NIPSNAP3B: variants seen among roughly 807,000 people sequenced by gnomAD.
NIPSNAP3B encodes the protein nipsnap homolog 3B.
NIPSNAP3B carries 30 observed loss-of-function variants against 31.5 expected under a neutral mutation model. The observed-to-expected ratio is 0.95, with a 90% CI of 0.71 to 1.29. The LOEUF (loss-of-function observed/expected upper bound fraction) is 1.29, where lower values mean the gene tolerates loss of function less well. Ranked by LOEUF, NIPSNAP3B falls within the 50% of genes most tolerant of loss-of-function variation. The probability of loss-of-function intolerance (pLI) is 0.00; values close to 1 mark genes in which losing one functional copy is unlikely to be tolerated. For missense variants in NIPSNAP3B, 269 were observed against 300.7 expected (o/e 0.89, Z 0.78); for synonymous variants, 106 against 107.9 (o/e 0.98, Z 0.11).
rs2118803800 is a variant in NIPSNAP3B at position 104,773,806 on chromosome 9, A to T, written c.*733A>T. 1 of 152,318 alleles carries T rather than the reference A, an allele frequency of 6.6e-6. No homozygotes were observed. The highest frequency in any genetic ancestry group is 3.4e-3 in the Middle Eastern group (1 of 294). 9.4% of individuals were successfully genotyped at this position (152,318 alleles called of 1,614,324 possible). A position where few individuals can be genotyped will look rare whatever the true frequency, so the allele number is the denominator to read the frequency against. ...TTGTTTTAAAGAAATATTTATGGTT[A>T]TGGAAACGCTTGCCCTAATAAAAAT... On this transcript the variant is annotated 3_prime_UTR_variant, in exon 6 of 6. Coordinates refer to ENST00000374762, the MANE Select transcript of NIPSNAP3B (RefSeq NM_018376.4).
Position 104,773,452 on chromosome 9 carries a change from A to C in NIPSNAP3B, c.*379A>C, listed in dbSNP as rs966371127. On this transcript the variant is annotated 3_prime_UTR_variant, in exon 6 of 6. Transcript: ENST00000374762. Reference sequence around the variant, plus strand: ...CAGTATTTTTGAATTATTTATATAAAATATCTATCTTTTCATCATGTCTAT... The same window carrying C: ...CAGTATTTTTGAATTATTTATATAACATATCTATCTTTTCATCATGTCTAT... 6.2e-6 allele frequency: 1 copy of C among 160,008 alleles called. No homozygotes were observed. Among genetic ancestry groups the C allele is most frequent in the Non-Finnish European group, 1.4e-5 (1 of 73,290 alleles). The allele number at this position is 160,008 out of a possible 1,614,324, so 9.9% of individuals were successfully genotyped here.
intron 2 of NIPSNAP3B, 117 bp from the exon 3 acceptor site, chr9:104,768,746 A>T: frequency 1.3e-6 from 1 of 779,696 alleles, no homozygotes; most frequent in Non-Finnish European, 2.0e-6. Flanking sequence ...CTCCAGCGAC[A>T]TAATAACATG....
chr9:104,784,507 CTTTA>C, the NIPSNAP3B span: 1 of 1,609,120 alleles, frequency 6.2e-7, no homozygotes. Flanking sequence ...CTTGCTCATT[CTTTA>C]TTCTAGTTCT....
the NIPSNAP3B span, chr9:104,785,524 G>C: frequency 6.2e-7 from 1 of 1,613,594 alleles, no homozygotes; most frequent in Admixed American, 1.7e-5. Flanking sequence ...AGCATGTTCC[G>C]GTGTTTCTCT....
the NIPSNAP3B span, among the ~76,000 whole-genome samples, chr9:104,787,428 C>T: frequency 2.0e-5 from 3 of 151,674 alleles, no homozygotes; most frequent in Non-Finnish European, 2.9e-5. Context: ...AATTCCAGAC[C>T]GAGGTGGAAT....
At position 104,773,133 on chromosome 9, in the gene NIPSNAP3B, C is replaced by G; in HGVS notation, c.*60C>G. On this transcript the variant is annotated 3_prime_UTR_variant, in exon 6 of 6. Coordinates refer to ENST00000374762, the MANE Select transcript of NIPSNAP3B (RefSeq NM_018376.4). ...CTCTAAGATGTGTCTGCTAATGGTG[C>G]TTAAATTCTCCCAAGAGGTTCTCGC... 1 of 1,510,802 alleles carries G rather than the reference C, an allele frequency of 6.6e-7. No homozygotes were observed. Among genetic ancestry groups the G allele is most frequent in the Non-Finnish European group, 9.2e-7 (1 of 1,091,846 alleles). 93.6% of individuals were successfully genotyped at this position (1,510,802 alleles called of 1,614,324 possible).
the NIPSNAP3B span, among the ~76,000 whole-genome samples, chr9:104,789,539 T>A: frequency 1.3e-5 from 2 of 152,182 alleles, no homozygotes; most frequent in African/African-American, 4.8e-5. Flanking sequence ...AAATTGTGAG[T>A]CATTGTTCAT....
rs891531822 is a variant in NIPSNAP3B at position 104,777,443 on chromosome 9, G to A, written c.*4370G>A. ...TTCTTGAAAGAAGCACATTCCCCCA[G>A]GAGGAGGAAATGGTTTGTTTTCTTT... On this transcript the variant is annotated 3_prime_UTR_variant, in exon 6 of 6. Transcript: ENST00000374762. 5.9e-5 allele frequency: 9 copies of A among 152,230 alleles called. No homozygotes were observed. The highest frequency in any genetic ancestry group is 2.2e-4 in the African/African-American group (9 of 41,446). 9.4% of individuals were successfully genotyped at this position (152,230 alleles called of 1,614,324 possible).
intron 4 of NIPSNAP3B, among the ~76,000 whole-genome samples, chr9:104,772,163 C>G (rs1828234337): frequency 6.6e-6 from 1 of 150,442 alleles, no homozygotes; most frequent in Non-Finnish European, 1.5e-5. Context: ...AAATTTTCTC[C>G]CATTCTGGAG....
chr9:104,784,522 A>G, the NIPSNAP3B span: 82 of 1,595,318 alleles, frequency 5.1e-5, 1 homozygote, highest in South Asian at 4.9e-4. Flanking sequence ...TTCTAGTTCT[A>G]TTTTTCCAGA....
At chr9:104,785,841 G>A in the NIPSNAP3B span, among the ~76,000 whole-genome samples, 1 of 152,166 alleles carries the variant, frequency 6.6e-6, no homozygotes, top group Non-Finnish European at 1.5e-5. Context: ...GTAAATACAT[G>A]ATCTCCTTTA....
At chr9:104,787,211 A>C in the NIPSNAP3B span, among the ~76,000 whole-genome samples, 1 of 152,192 alleles carries the variant, frequency 6.6e-6, no homozygotes, top group East Asian at 1.9e-4. Context: ...TTTTTTATGT[A>C]ATTAAATTTC....
chr9:104,788,097 A>T, the NIPSNAP3B span: 1 of 1,591,812 alleles, frequency 6.3e-7, no homozygotes, highest in Non-Finnish European at 8.6e-7. Context: ...TGGCTTGGGA[A>T]TTTTATCATG....
Position 104,772,211 on chromosome 9 carries a change from T to G in NIPSNAP3B, c.581-611T>G, listed in dbSNP as rs1221302460. Among the ~76,000 whole-genome samples, 5 of 151,736 alleles carry G rather than the reference T, an allele frequency of 3.3e-5. No homozygotes were observed. In the East Asian group the frequency reaches 7.7e-4, roughly 23 times the overall value. Reference sequence around the variant, plus strand: ...CTCTGTTGACAGTTTTTTTTTTGTTTTTTTTTTTGCTGTGCAGAAGCTCTT... The same window carrying G: ...CTCTGTTGACAGTTTTTTTTTTGTTGTTTTTTTTGCTGTGCAGAAGCTCTT... On this transcript the variant is annotated intron_variant, in intron 4 of 5. Transcript: ENST00000374762.
At chr9:104,782,931 A>G in the NIPSNAP3B span, 1 of 152,338 alleles carries the variant, frequency 6.6e-6, no homozygotes, top group Non-Finnish European at 1.5e-5. Context: ...TAAACCAGTG[A>G]GCTGAATAAC....
Position 104,773,149 on chromosome 9 carries a change from A to C in NIPSNAP3B, c.*76A>C. ...CTAATGGTGCTTAAATTCTCCCAAGAGGTTCTCGCTTTTATTTGAAGGAGG... is the reference window on the plus strand; with the variant it reads ...CTAATGGTGCTTAAATTCTCCCAAGCGGTTCTCGCTTTTATTTGAAGGAGG... On this transcript the variant is annotated 3_prime_UTR_variant, in exon 6 of 6. Coordinates refer to ENST00000374762, the MANE Select transcript of NIPSNAP3B (RefSeq NM_018376.4). The C allele has an allele frequency of 1.4e-6, 2 of 1,426,984 alleles. No individual in the cohort carries two copies. The highest frequency in any genetic ancestry group is 2.4e-5 in the South Asian group (2 of 83,876). 88.4% of individuals were successfully genotyped at this position (1,426,984 alleles called of 1,614,324 possible).
intron 2 of NIPSNAP3B, among the ~76,000 whole-genome samples, chr9:104,767,028 C>A (rs1283519456): frequency 1.3e-5 from 2 of 151,622 alleles, no homozygotes; most frequent in African/African-American, 4.8e-5. Context: ...CTCCTAATTG[C>A]AGTTCTTGGG....
downstream of NIPSNAP3B, among the ~76,000 whole-genome samples, chr9:104,778,826 T>G (rs574843173): frequency 1.3e-5 from 2 of 152,216 alleles, no homozygotes; most frequent in Non-Finnish European, 2.9e-5. Flanking sequence ...GTGTTCTTTC[T>G]GAAACAGTAG....
chr9:104,788,084 G>A, the NIPSNAP3B span: 1 of 1,611,464 alleles, frequency 6.2e-7, no homozygotes, highest in Non-Finnish European at 8.5e-7. Flanking sequence ...CTTGACTTTG[G>A]TCTGGCTTGG....
Sources: gnomAD v4.1 joint callset for allele counts (sites outside exome capture counted in the v4.1 genomes callset) on GRCh38, gnomAD v4.1.1 for gene constraint, MANE v1.5 for transcripts, NCBI Gene and HGNC (gene_info 2026-07-23, HGNC 2026-07-21) for gene names.